The following PRKN variants were observed in gnomAD, a reference collection of about 807,000 sequenced individuals.
PRKN encodes the protein E3 ubiquitin-protein ligase parkin.
In PRKN, 56 loss-of-function variants were observed where a neutral mutation model predicts 59.5. The ratio of observed to expected loss-of-function variants is 0.94; its 90% CI spans 0.76 to 1.18. PRKN has a LOEUF of 1.18. Ranked by LOEUF, PRKN falls within the 50% of genes most tolerant of loss-of-function variation. The pLI is 0.00. For missense variants in PRKN, 657 were observed against 596.4 expected, an observed-to-expected ratio of 1.10 and a Z score of -1.06; for synonymous variants, 250 against 222.1, an observed-to-expected ratio of 1.13 and a Z score of -1.12.
chr6:161,934,961 G>A (rs892039121), intron 6 of PRKN, among the ~76,000 whole-genome samples: 6 of 150,632 alleles, frequency 4.0e-5, no homozygotes, highest in Non-Finnish European at 7.4e-5. Flanking sequence ...GAAATAATTA[G>A]GTCTGTCTAA....
At chr6:161,489,172 T>G (rs191313866) in intron 9 of PRKN, among the ~76,000 whole-genome samples, 1 of 152,274 alleles carries the variant, frequency 6.6e-6, no homozygotes, top group African/African-American at 2.4e-5. Context: ...ATAGAAATTG[T>G]TTTATTTATA....
chr6:162,611,453 A>G (rs1032539584), intron 1 of PRKN, among the ~76,000 whole-genome samples: 1 of 152,232 alleles, frequency 6.6e-6, no homozygotes, highest in Non-Finnish European at 1.5e-5. Flanking sequence ...CAGCTTCCAT[A>G]CAAATCAACA....
In PRKN at chr6:162,011,242, AAT is replaced by A. The variant is rs1263959085; in HGVS notation, c.619-37827_619-37826del. On this transcript the variant is annotated intron_variant, in intron 5 of 11. Coordinates refer to ENST00000366898, the MANE Select transcript of PRKN (RefSeq NM_004562.3). Reference sequence around the variant, plus strand: ...TATATATTTATAATATATAATTTATAATATATATAATATAGTATATATTTATA... The same window carrying A: ...TATATATTTATAATATATAATTTATAATATATAATATAGTATATATTTATA... 2.3e-5 allele frequency among the ~76,000 whole-genome samples: 2 copies of A among 87,978 alleles called. 1 individual carries two copies. Among genetic ancestry groups the A allele is most frequent in the Non-Finnish European group, 4.2e-5 (2 of 47,788 alleles). The allele number at this position is 87,978 out of a possible 152,430, so 57.7% of individuals were successfully genotyped here.
chr6:162,431,835 G>A (rs560098140), intron 2 of PRKN, among the ~76,000 whole-genome samples: 6 of 152,208 alleles, frequency 3.9e-5, no homozygotes, highest in Admixed American at 2.0e-4. Context: ...TTTCAAATTC[G>A]TAATGCAAAA....
rs1160389162 is a variant in PRKN, at chr6:162,727,388, G to A, written c.7+274C>T. 1.4e-5 allele frequency: 7 copies of A among 489,026 alleles called. No homozygotes were observed. In the East Asian group the frequency reaches 1.8e-4, roughly 13 times the overall value. The allele number at this position is 489,026 out of a possible 1,614,324, so 30.3% of individuals were successfully genotyped here. A position where few individuals can be genotyped will look rare whatever the true frequency, so the allele number is the denominator to read the frequency against. On this transcript the variant is annotated intron_variant, in intron 1 of 11. Transcript: ENST00000366898. ...GGGGGACCGCGAACGAGGAGCGGGG[G>A]TGCGGGGCCGCCTGGCGTCCCCGTC... is the stretch of plus-strand genomic sequence containing the variant.
intron 1 of PRKN, among the ~76,000 whole-genome samples, chr6:162,607,717 G>C (rs1242049204): frequency 6.6e-6 from 1 of 152,124 alleles, no homozygotes; most frequent in African/African-American, 2.4e-5. Context: ...ATTTGCCTTA[G>C]GATGCAAGGA....
chr6:161,994,760 T>C (rs1401193129), intron 5 of PRKN, among the ~76,000 whole-genome samples: 2 of 149,546 alleles, frequency 1.3e-5, no homozygotes, highest in Non-Finnish European at 3.0e-5. Flanking sequence ...ACCAAGGAGG[T>C]AGAAGACCTT....
chr6:161,424,277 C>A (rs937057787), intron 9 of PRKN, among the ~76,000 whole-genome samples: 6 of 144,594 alleles, frequency 4.1e-5, no homozygotes, highest in Non-Finnish European at 8.9e-5. Context: ...ACAGTGGTTG[C>A]AGTGAGCCGA....
At chr6:161,923,022 C>T (rs541122446) in intron 6 of PRKN, among the ~76,000 whole-genome samples, 1 of 152,344 alleles carries the variant, frequency 6.6e-6, no homozygotes, top group African/African-American at 2.4e-5. Context: ...CAGCTCCCTC[C>T]AGGCTGGCAG....
At chr6:161,848,733 CTT>C (rs1298701390) in intron 6 of PRKN, among the ~76,000 whole-genome samples, 1 of 152,182 alleles carries the variant, frequency 6.6e-6, no homozygotes, top group East Asian at 1.9e-4. Flanking sequence ...AGGTCTCTCT[CTT>C]GATGGTTTTG....
In PRKN at chr6:162,162,963, G is replaced by A. The variant is rs1054181199; in HGVS notation, c.534+38168C>T. ...GCAGAGGTTGCAGTGAGCCGAGATC[G>A]TGCCACTGTACTCCAGCCTGGGCGA... is the stretch of plus-strand genomic sequence containing the variant. On this transcript the variant is annotated intron_variant, in intron 4 of 11. Transcript: ENST00000366898. Among the ~76,000 whole-genome samples the A allele has an allele frequency of 3.4e-5, 5 of 148,862 alleles. 2 individuals are homozygous for A. Among genetic ancestry groups the A allele is most frequent in the African/African-American group, 1.3e-4 (5 of 39,482 alleles).
chr6:161,518,644 T>C lies in PRKN; in HGVS notation c.1083+30210A>G, dbSNP rs370145941. 1.3e-5 allele frequency among the ~76,000 whole-genome samples: 2 copies of C among 152,220 alleles called. No individual in the cohort carries two copies. The highest frequency in any genetic ancestry group is 2.1e-4 in the South Asian group (1 of 4,824). On this transcript the variant is annotated intron_variant, in intron 9 of 11. Coordinates refer to ENST00000366898, the MANE Select transcript of PRKN (RefSeq NM_004562.3). This position sits in a 1 kb window ranked among gnomAD's most constrained non-coding sequence, Gnocchi z 5.0. ...CTAGCAGCACAAGCCCAGCCTCCGC[T>C]CACCCAGCCCCCTAGTGAGGTGAAC...
chr6:162,407,883 C>T (rs1788151667), intron 2 of PRKN, among the ~76,000 whole-genome samples: 4 of 151,484 alleles, frequency 2.6e-5, no homozygotes, highest in Admixed American at 2.6e-4. Flanking sequence ...AAACTTACTA[C>T]ATTTTCTATT....
intron 5 of PRKN, among the ~76,000 whole-genome samples, chr6:162,008,964 G>C (rs1315976555): frequency 6.6e-6 from 1 of 151,886 alleles, no homozygotes. Context: ...TCATAAACAG[G>C]TGAGGTGTGG....
chr6:161,373,996 A>G lies in PRKN; in HGVS notation c.1167+12798T>C, dbSNP rs1785547254. ...CGTTCACTCCCTTTTCCCCCAGGTC[A>G]TTTTATTTTTGTTTCTGGACAAATC... On this transcript the variant is annotated intron_variant, in intron 10 of 11. Transcript: ENST00000366898. The surrounding 1 kb of genome is among the most constrained non-coding windows in gnomAD (Gnocchi z 4.8). 1.3e-5 allele frequency among the ~76,000 whole-genome samples: 2 copies of G among 152,040 alleles called. No individual in the cohort carries two copies. Among genetic ancestry groups the G allele is most frequent in the South Asian group, 4.2e-4 (2 of 4,804 alleles).
At chr6:162,483,022 A>G (rs943529885) in intron 1 of PRKN, among the ~76,000 whole-genome samples, 2 of 152,206 alleles carry the variant, frequency 1.3e-5, no homozygotes, top group African/African-American at 4.8e-5. Flanking sequence ...TGACTCTATG[A>G]TTATACTATG....
chr6:161,880,595 G>A (rs1383198580), intron 6 of PRKN, among the ~76,000 whole-genome samples: 1 of 152,134 alleles, frequency 6.6e-6, no homozygotes, highest in East Asian at 1.9e-4. Flanking sequence ...AGGAGCACCG[G>A]CCCACGAGGT....
chr6:161,570,591 C>T (rs1283742993), intron 7 of PRKN, among the ~76,000 whole-genome samples: 2 of 151,802 alleles, frequency 1.3e-5, no homozygotes, highest in Non-Finnish European at 2.9e-5. Context: ...ATAGTTAATA[C>T]ATTTTCTCTT....
intron 2 of PRKN, among the ~76,000 whole-genome samples, chr6:162,360,596 A>G (rs1165637445): frequency 6.6e-6 from 1 of 152,200 alleles, no homozygotes; most frequent in Non-Finnish European, 1.5e-5. Context: ...TAAAAAACAA[A>G]CAAAAAAACC....
Sources: gnomAD v4.1 joint callset for allele counts (sites outside exome capture counted in the v4.1 genomes callset) on GRCh38, gnomAD v4.1.1 for gene constraint, Gnocchi (gnomAD v3.1) non-coding constraint, MANE v1.5 for transcripts, NCBI Gene and HGNC (gene_info 2026-07-23, HGNC 2026-07-21) for gene names.